NRG3: variants seen among roughly 807,000 people sequenced by gnomAD.
The protein encoded by NRG3 is pro-neuregulin-3, membrane-bound isoform.
NRG3 carries 31 observed loss-of-function variants against 66.9 expected under a neutral mutation model. That is an observed-to-expected ratio of 0.46 (90% confidence interval 0.35 to 0.63). The LOEUF is 0.63. Ranked by LOEUF, NRG3 falls within the 20% of genes least tolerant of loss-of-function variation. The pLI is 0.00. For synonymous variants in NRG3, 393 were observed against 359.4 expected (o/e 1.09, Z -1.06); for missense variants, 910 against 878.9 (o/e 1.04, Z -0.45).
chr10:82,562,035 A>G (rs769007440), intron 2 of NRG3, among the ~76,000 whole-genome samples: 6 of 152,202 alleles, frequency 3.9e-5, no homozygotes, highest in Non-Finnish European at 7.3e-5. Context: ...GGAATTAGAC[A>G]AACCTTCCTA....
intron 1 of NRG3, among the ~76,000 whole-genome samples, chr10:81,973,740 CT>C (rs1171449305): frequency 6.6e-6 from 1 of 152,016 alleles, no homozygotes; most frequent in Non-Finnish European, 1.5e-5. Context: ...CCTTTGCCCA[CT>C]TTTTTTATGG....
chr10:82,086,239 T>C (rs1034247285), intron 1 of NRG3, among the ~76,000 whole-genome samples: 3 of 152,152 alleles, frequency 2.0e-5, no homozygotes, highest in Non-Finnish European at 4.4e-5. Flanking sequence ...TCTAGGTATT[T>C]TGAGCTTTTC....
intron 1 of NRG3, among the ~76,000 whole-genome samples, chr10:82,083,599 T>A (rs935172247): frequency 7.6e-5 from 11 of 144,520 alleles, no homozygotes; most frequent in African/African-American, 2.2e-4. Context: ...TTGTTAATTT[T>A]TTTTTTTTTT....
At chr10:82,626,469 A>G (rs1030472200) in intron 2 of NRG3, among the ~76,000 whole-genome samples, 2 of 152,148 alleles carry the variant, frequency 1.3e-5, no homozygotes, top group Non-Finnish European at 2.9e-5. Flanking sequence ...GAAATCACCC[A>G]CATATTGTGT....
chr10:82,712,732 T>A (rs2056747556), intron 2 of NRG3, among the ~76,000 whole-genome samples: 1 of 152,048 alleles, frequency 6.6e-6, no homozygotes, highest in African/African-American at 2.4e-5. Flanking sequence ...ATGAGAGCAT[T>A]AGGCATGAAG....
chr10:81,895,096 C>T (rs968101642), intron 1 of NRG3, among the ~76,000 whole-genome samples: 1 of 152,156 alleles, frequency 6.6e-6, no homozygotes, highest in Non-Finnish European at 1.5e-5. Flanking sequence ...AGCAGGAAGA[C>T]TCAGCACTGC....
intron 3 of NRG3, among the ~76,000 whole-genome samples, chr10:82,824,986 A>G (rs747097614): frequency 2.6e-5 from 4 of 152,154 alleles, no homozygotes; most frequent in Admixed American, 6.5e-5. Context: ...TGTTGAGATT[A>G]CAGAGGTGAG....
chr10:82,211,486 G>A (rs953082576), intron 1 of NRG3, among the ~76,000 whole-genome samples: 2 of 152,128 alleles, frequency 1.3e-5, no homozygotes, highest in African/African-American at 2.4e-5. Flanking sequence ...GCTCTGGGGA[G>A]TCGAAAGGCA....
intron 2 of NRG3, among the ~76,000 whole-genome samples, chr10:82,639,414 G>A (rs769169682): frequency 6.6e-6 from 1 of 152,162 alleles, no homozygotes; most frequent in Non-Finnish European, 1.5e-5. Flanking sequence ...ATTTAGGTTT[G>A]AACATATGAA....
chr10:82,710,598 A>AC lies in NRG3; in HGVS notation c.954-27979_954-27978insC, dbSNP rs1358653137. On this transcript the variant is annotated intron_variant, in intron 2 of 8. Transcript: ENST00000372141. ...CAAGACTCCATCTCAAAAAAAAAAAAAAAAAAAAAAAAGAATTTATTTCTG... is the reference window on the plus strand; with the variant it reads ...CAAGACTCCATCTCAAAAAAAAAAAACAAAAAAAAAAAAGAATTTATTTCTG... Among the ~76,000 whole-genome samples, 4 of 150,846 alleles carry AC rather than the reference A, an allele frequency of 2.7e-5. No individual in the cohort carries two copies. In the East Asian group the frequency reaches 7.8e-4, roughly 29 times the overall value.
chr10:81,883,009 GA>G (rs1464287500), intron 1 of NRG3, among the ~76,000 whole-genome samples: 1 of 152,130 alleles, frequency 6.6e-6, no homozygotes, highest in Non-Finnish European at 1.5e-5. Context: ...GAATGATCTG[GA>G]AATCTGAAAT....
At chr10:82,097,422 GTAAT>G in intron 1 of NRG3, among the ~76,000 whole-genome samples, 1 of 59,950 alleles carries the variant, frequency 1.7e-5, no homozygotes, top group Non-Finnish European at 3.4e-5. Context: ...ATATATATCT[GTAAT>G]ATATATATAT....
chr10:81,957,637 C>A (rs1849968779), intron 1 of NRG3, among the ~76,000 whole-genome samples: 1 of 152,194 alleles, frequency 6.6e-6, no homozygotes, highest in Non-Finnish European at 1.5e-5. Flanking sequence ...TGGTGCCTGG[C>A]ATGTACCAGT....
intron 1 of NRG3, among the ~76,000 whole-genome samples, chr10:81,968,497 C>G (rs1361545498): frequency 6.6e-6 from 1 of 152,188 alleles, no homozygotes; most frequent in Non-Finnish European, 1.5e-5. Context: ...TTGCACAGCT[C>G]TGACGTTGGG....
In NRG3 at chr10:82,129,045, T is replaced by C. The variant is rs578126453; in HGVS notation, c.824-229694T>C. Among the ~76,000 whole-genome samples the C allele has an allele frequency of 2.0e-5, 3 of 152,092 alleles. No individual in the cohort carries two copies. The South Asian group carries it at 6.2e-4, about 32-fold the overall frequency. On this transcript the variant is annotated intron_variant, in intron 1 of 8. Transcript: ENST00000372141. ...CTCCTGTCTCAGCCTCGCAAGTAGC[T>C]GTGATTACAGATGCCTGCCACCATG...
At chr10:82,498,435 A>C (rs1462729115) in intron 2 of NRG3, among the ~76,000 whole-genome samples, 1 of 152,166 alleles carries the variant, frequency 6.6e-6, no homozygotes, top group African/African-American at 2.4e-5. Flanking sequence ...CTCAAAATGA[A>C]AAAATTCTGT....
chr10:82,907,349 T>C (rs1844840752), intron 4 of NRG3, among the ~76,000 whole-genome samples: 1 of 152,258 alleles, frequency 6.6e-6, no homozygotes, highest in South Asian at 2.1e-4. Flanking sequence ...AGCTATATTA[T>C]GATTTTATAA....
chr10:82,496,389 G>A (rs952497268), intron 2 of NRG3, among the ~76,000 whole-genome samples: 4 of 151,918 alleles, frequency 2.6e-5, no homozygotes, highest in African/African-American at 9.7e-5. Flanking sequence ...CTATTTCTGG[G>A]GGAGTCAGCT....
At chr10:82,406,804 A>T (rs902978329) in intron 2 of NRG3, among the ~76,000 whole-genome samples, 1 of 152,098 alleles carries the variant, frequency 6.6e-6, no homozygotes, top group African/African-American at 2.4e-5. Flanking sequence ...GGTCTTTTGT[A>T]CATTGAGACA....
Sources: allele counts gnomAD v4.1 joint callset (sites outside exome capture counted in the v4.1 genomes callset), GRCh38; gene constraint gnomAD v4.1.1; transcripts MANE v1.5; gene names NCBI Gene and HGNC (gene_info 2026-07-23, HGNC 2026-07-21).